The following CALHM5 variants were observed in gnomAD, a reference collection of about 807,000 sequenced individuals.
The protein encoded by CALHM5 is calcium homeostasis modulator protein 5.
Under a neutral mutation model 20.9 loss-of-function variants are expected in CALHM5, and 17 were observed. The observed-to-expected ratio is 0.82, with a 90% CI of 0.56 to 1.22. CALHM5 has a LOEUF of 1.22. CALHM5 is among the 50% of genes most tolerant of loss of function. CALHM5 has a pLI of 0.00. For synonymous variants in CALHM5, 148 were observed against 140.0 expected (o/e 1.06, Z -0.40); for missense variants, 360 against 364.6 (o/e 0.99, Z 0.10).
rs1772366212 is a variant in CALHM5, at chr6:116,522,666, C to A, written c.*6677C>A. On this transcript the variant is annotated 3_prime_UTR_variant, in exon 2 of 2. Coordinates refer to ENST00000368599, the MANE Select transcript of CALHM5 (RefSeq NM_153711.5). ...AAACATATTATTGGGAGGAGTAACA[C>A]ATTAAACTATTATTTGTCATTAATA... The A allele has an allele frequency of 6.6e-6, 1 of 152,110 alleles. No homozygotes were observed. Among genetic ancestry groups the A allele is most frequent in the African/African-American group, 2.4e-5 (1 of 41,430 alleles). 9.4% of individuals were successfully genotyped at this position (152,110 alleles called of 1,614,324 possible).
rs1197837761 is a variant in CALHM5 at position 116,518,741 on chromosome 6, A to C, written c.*2752A>C. On this transcript the variant is annotated 3_prime_UTR_variant, in exon 2 of 2. Transcript: ENST00000368599. ...AGGATTGAGGAGTCATATCTGGGGG[A>C]TATTCCTGCCACCCTCAAGTCCAGG... 3 of 152,250 alleles carry C rather than the reference A, an allele frequency of 2.0e-5. No homozygotes were observed. In the East Asian group the frequency reaches 5.8e-4, roughly 29 times the overall value. 9.4% of individuals were successfully genotyped at this position (152,250 alleles called of 1,614,324 possible).
intron 1 of CALHM5, among the ~76,000 whole-genome samples, chr6:116,513,357 A>T (rs1772162232): frequency 6.6e-6 from 1 of 152,216 alleles, no homozygotes; most frequent in Non-Finnish European, 1.5e-5. Flanking sequence ...GATAAAACAT[A>T]TCAGGCTCCC....
chr6:116,524,223 G>A lies in CALHM5; in HGVS notation c.*8234G>A, dbSNP rs1196883528. 6.6e-6 allele frequency: 1 copy of A among 152,086 alleles called. No homozygotes were observed. Among genetic ancestry groups the A allele is most frequent in the Non-Finnish European group, 1.5e-5 (1 of 68,010 alleles). 9.4% of individuals were successfully genotyped at this position (152,086 alleles called of 1,614,324 possible). ...AGATGAAATAAGATTGGCAAAATAT[G>A]GAAACTATTGAAGCTGGATGGTAGG... On this transcript the variant is annotated 3_prime_UTR_variant, in exon 2 of 2. Transcript: ENST00000368599.
chr6:116,512,724 T>C (rs1772149350), intron 1 of CALHM5, among the ~76,000 whole-genome samples: 1 of 152,230 alleles, frequency 6.6e-6, no homozygotes, highest in Admixed American at 6.5e-5. Context: ...GTGTGGAGAT[T>C]CTCTTGAATG....
In CALHM5 at chr6:116,520,295, ATTCTATTTAGAC is replaced by A. The variant is rs1772307953; in HGVS notation, c.*4309_*4320del. ...AAGTACTTCAACTATTAACTATATT[ATTCTATTTAGAC>A]TTTGGTGGTTCCGAATTCTCTAAGG... On this transcript the variant is annotated 3_prime_UTR_variant, in exon 2 of 2. Transcript: ENST00000368599. 6.6e-6 allele frequency: 1 copy of A among 152,180 alleles called. No individual in the cohort carries two copies. The highest frequency in any genetic ancestry group is 1.9e-4 in the East Asian group (1 of 5,194). The allele number at this position is 152,180 out of a possible 1,614,324, so 9.4% of individuals were successfully genotyped here.
Position 116,517,195 on chromosome 6 carries a change from G to T in CALHM5, c.*1206G>T, listed in dbSNP as rs1772245438. On this transcript the variant is annotated 3_prime_UTR_variant, in exon 2 of 2. Transcript: ENST00000368599. ...TGCTTCTTAGTACTATCAGCTTGGG[G>T]GTTAAGATTTCAACATATGAAATTG... The T allele has an allele frequency of 1.3e-5, 2 of 152,086 alleles. No individual in the cohort carries two copies. Among genetic ancestry groups the T allele is most frequent in the Admixed American group, 6.6e-5 (1 of 15,236 alleles). The allele number at this position is 152,086 out of a possible 1,614,324, so 9.4% of individuals were successfully genotyped here.
rs1362489669 is a variant in CALHM5 at position 116,518,608 on chromosome 6, T to C, written c.*2619T>C. On this transcript the variant is annotated 3_prime_UTR_variant, in exon 2 of 2. Coordinates refer to ENST00000368599, the MANE Select transcript of CALHM5 (RefSeq NM_153711.5). ...AGTTTGTCTGCCCTTAAGTGTCTTCTGAGCTGGAAAAAGACATATAGGAAC... is the reference window on the plus strand; with the variant it reads ...AGTTTGTCTGCCCTTAAGTGTCTTCCGAGCTGGAAAAAGACATATAGGAAC... 1.3e-5 allele frequency: 2 copies of C among 152,188 alleles called. No homozygotes were observed. Among genetic ancestry groups the C allele is most frequent in the Non-Finnish European group, 2.9e-5 (2 of 68,032 alleles). 9.4% of individuals were successfully genotyped at this position (152,188 alleles called of 1,614,324 possible).
At position 116,518,340 on chromosome 6, in the gene CALHM5, T is replaced by G. The variant is rs1225641189; in HGVS notation, c.*2351T>G. The G allele has an allele frequency of 6.6e-6, 1 of 152,126 alleles. No individual in the cohort carries two copies. The highest frequency in any genetic ancestry group is 2.4e-5 in the African/African-American group (1 of 41,406). The allele number at this position is 152,126 out of a possible 1,614,324, so 9.4% of individuals were successfully genotyped here. ...GTTGGTATTGGAGAATTGGCCAGTG[T>G]GGGAGAAAACCCACACAGTTGGTGG... On this transcript the variant is annotated 3_prime_UTR_variant, in exon 2 of 2. Coordinates refer to ENST00000368599, the MANE Select transcript of CALHM5 (RefSeq NM_153711.5).
rs539288012 is a variant in CALHM5, at chr6:116,515,670, G to A, written c.611G>A (p.Arg204Gln). 89 of 1,613,930 alleles carry A rather than the reference G, an allele frequency of 5.5e-5. No homozygotes were observed. Among genetic ancestry groups the A allele is most frequent in the Non-Finnish European group, 5.6e-5 (66 of 1,179,908 alleles). The change falls in exon 2 of 2, where the codon CGA (arginine) becomes CAA (glutamine). Residue 204 changes from arginine to glutamine, a missense_variant. Physicochemically the swap from Arg to Gln is conservative, Grantham distance 43. Transcript: ENST00000368599. ...CTCACCACATGTTATGCTCGCTGCC[G>A]ATCTAAAGTTAGCTACCTTCAGCTG... Reference protein sequence around the residue: ...SLLTTCYARCRSKVSYLQLSF... With the variant: ...SLLTTCYARCQSKVSYLQLSF...
At chr6:116,515,545 G>A in intron 1 of CALHM5, 55 bp from the exon 2 acceptor site, 2 of 1,524,494 alleles carry the variant, frequency 1.3e-6, no homozygotes, top group Non-Finnish European at 1.8e-6. Flanking sequence ...TAATACCCCA[G>A]CTCCCTAAAT....
rs1772386806 is a variant in CALHM5 at position 116,523,636 on chromosome 6, C to T, written c.*7647C>T. Reference sequence around the variant, plus strand: ...AAGCCACTCATCTATATTAGCATCACTAAAAATCAAAGCAGATGCTACGTG... The same window carrying T: ...AAGCCACTCATCTATATTAGCATCATTAAAAATCAAAGCAGATGCTACGTG... On this transcript the variant is annotated 3_prime_UTR_variant, in exon 2 of 2. Transcript: ENST00000368599. 1 of 152,142 alleles carries T rather than the reference C, an allele frequency of 6.6e-6. No individual in the cohort carries two copies. Among genetic ancestry groups the T allele is most frequent in the Non-Finnish European group, 1.5e-5 (1 of 68,028 alleles). 9.4% of individuals were successfully genotyped at this position (152,142 alleles called of 1,614,324 possible).
In CALHM5 at chr6:116,511,951, GAAAA is replaced by G. The variant is rs1772129887; in HGVS notation, c.256_259del (p.Lys86SerfsTer19). 1 of 1,613,824 alleles carries G rather than the reference GAAAA, an allele frequency of 6.2e-7. No individual in the cohort carries two copies. Among genetic ancestry groups the G allele is most frequent in the African/African-American group, 1.3e-5 (1 of 74,886 alleles). On this transcript the variant is annotated frameshift_variant, in exon 1 of 2. Coordinates refer to ENST00000368599, the MANE Select transcript of CALHM5 (RefSeq NM_153711.5). LOFTEE classifies it high-confidence loss of function. Reference sequence around the variant, plus strand: ...TCACAGGCTGCTGTGTGAATCCCAGGAAAATCTTTCCCAGAGGCCACAGCTGCCG... The same window carrying G: ...TCACAGGCTGCTGTGTGAATCCCAGGTCTTTCCCAGAGGCCACAGCTGCCG...
In CALHM5 at chr6:116,516,124, A is replaced by G; in HGVS notation, c.*135A>G. The G allele has an allele frequency of 8.2e-7, 1 of 1,223,798 alleles. No homozygotes were observed. The highest frequency in any genetic ancestry group is 2.8e-5 in the Admixed American group (1 of 36,220). The allele number at this position is 1,223,798 out of a possible 1,614,324, so 75.8% of individuals were successfully genotyped here. ...TGTTTACAAGACAATAACACAAAGG[A>G]AACTGCTTTGAAGCTCTCAAGTGGA... is the stretch of plus-strand genomic sequence containing the variant. On this transcript the variant is annotated 3_prime_UTR_variant, in exon 2 of 2. Transcript: ENST00000368599.
rs977729524 is a variant in CALHM5 at position 116,524,121 on chromosome 6, T to C, written c.*8132T>C. On this transcript the variant is annotated 3_prime_UTR_variant, in exon 2 of 2. Coordinates refer to ENST00000368599, the MANE Select transcript of CALHM5 (RefSeq NM_153711.5). The stretch of plus-strand genomic sequence containing the variant: ...TCAGTTAGAGATGTATATTTAAATA[T>C]TTATGTGTGAACTGCCATGATGTCT... 6.6e-5 allele frequency: 10 copies of C among 152,124 alleles called. No homozygotes were observed. Among genetic ancestry groups the C allele is most frequent in the African/African-American group, 2.4e-4 (10 of 41,430 alleles). The allele number at this position is 152,124 out of a possible 1,614,324, so 9.4% of individuals were successfully genotyped here.
Position 116,515,727 on chromosome 6 carries a change from A to C in CALHM5, c.668A>C (p.Lys223Thr). 1.2e-6 allele frequency: 2 copies of C among 1,614,062 alleles called. No homozygotes were observed. The highest frequency in any genetic ancestry group is 1.7e-6 in the Non-Finnish European group (2 of 1,179,934). The change falls in exon 2 of 2, where the codon AAG becomes ACG. Residue 223 changes from lysine to threonine, a missense_variant. By Grantham distance (78) the Lys-to-Thr change is moderately conservative. Coordinates refer to ENST00000368599, the MANE Select transcript of CALHM5 (RefSeq NM_153711.5). ...TGGAAGACATATGCACAAAAGGAGAAGGAGCAGTTGGAAAATACATTTCTG... is the reference window on the plus strand; with the variant it reads ...TGGAAGACATATGCACAAAAGGAGACGGAGCAGTTGGAAAATACATTTCTG... ...SFWKTYAQKE[K>T]EQLENTFLDY...
rs758472849 is a variant in CALHM5 at position 116,519,900 on chromosome 6, G to A, written c.*3911G>A. 1 of 151,828 alleles carries A rather than the reference G, an allele frequency of 6.6e-6. No individual in the cohort carries two copies. Among genetic ancestry groups the A allele is most frequent in the Non-Finnish European group, 1.5e-5 (1 of 67,994 alleles). 9.4% of individuals were successfully genotyped at this position (151,828 alleles called of 1,614,324 possible). A position where few individuals can be genotyped will look rare whatever the true frequency, so the allele number is the denominator to read the frequency against. On this transcript the variant is annotated 3_prime_UTR_variant, in exon 2 of 2. Transcript: ENST00000368599. ...TTTTCAGGCTCAACCACTTAATTCA[G>A]CTTTAGGATACATTCAGCTTATTCA... is the stretch of plus-strand genomic sequence containing the variant.
At chr6:116,513,089 A>G (rs1229880010) in intron 1 of CALHM5, among the ~76,000 whole-genome samples, 1 of 152,208 alleles carries the variant, frequency 6.6e-6, no homozygotes, top group Non-Finnish European at 1.5e-5. Flanking sequence ...TCCCAAAAGC[A>G]AAACAAGTGG....
At chr6:116,513,507 C>T (rs1243275655) in intron 1 of CALHM5, among the ~76,000 whole-genome samples, 3 of 152,182 alleles carry the variant, frequency 2.0e-5, no homozygotes, top group Non-Finnish European at 4.4e-5. Context: ...GTGTGAGCTT[C>T]TCCTCTCTAA....
chr6:116,516,907 C>T lies in CALHM5; in HGVS notation c.*918C>T, dbSNP rs377561992. ...GGTATGTCTTAGTGCGTTTGGGCTA[C>T]TATAACAAAATATCATAGATAGGTG... On this transcript the variant is annotated 3_prime_UTR_variant, in exon 2 of 2. Coordinates refer to ENST00000368599, the MANE Select transcript of CALHM5 (RefSeq NM_153711.5). 2.0e-5 allele frequency: 3 copies of T among 151,922 alleles called. No individual in the cohort carries two copies. In the South Asian group the frequency reaches 6.2e-4, roughly 32 times the overall value. 9.4% of individuals were successfully genotyped at this position (151,922 alleles called of 1,614,324 possible).
Sources: gnomAD v4.1 joint callset for allele counts (sites outside exome capture counted in the v4.1 genomes callset) on GRCh38, gnomAD v4.1.1 for gene constraint, MANE v1.5 for transcripts, NCBI Gene and HGNC (gene_info 2026-07-23, HGNC 2026-07-21) for gene names.